Variants in LRRC4C observed in about 807,000 individuals in gnomAD.
LRRC4C encodes leucine-rich repeat-containing protein 4C.
LRRC4C carries 5 observed loss-of-function variants against 33.6 expected under a neutral mutation model. The observed-to-expected ratio is 0.15, with a 90% CI of 0.08 to 0.31. The LOEUF (loss-of-function observed/expected upper bound fraction) is 0.31, where lower values mean the gene tolerates loss of function less well. Ranked by LOEUF, LRRC4C falls within the 10% of genes least tolerant of loss-of-function variation. LRRC4C has a pLI of 1.00. For missense variants in LRRC4C, 560 were observed against 796.7 expected, an observed-to-expected ratio of 0.70 and a Z score of 3.58; for synonymous variants, 329 against 302.0, an observed-to-expected ratio of 1.09 and a Z score of -0.93.
intron 1 of LRRC4C, among the ~76,000 whole-genome samples, chr11:41,170,599 T>C (rs1944931246): frequency 6.6e-6 from 1 of 152,148 alleles, no homozygotes; most frequent in Non-Finnish European, 1.5e-5. Flanking sequence ...TATACAAAAA[T>C]TATTTCAAGA....
chr11:40,690,705 T>G (rs1273932302), intron 2 of LRRC4C, among the ~76,000 whole-genome samples: 1 of 152,042 alleles, frequency 6.6e-6, no homozygotes, highest in Non-Finnish European at 1.5e-5. Context: ...TTAGTGTAAT[T>G]ATCTACAACA....
intron 2 of LRRC4C, among the ~76,000 whole-genome samples, chr11:40,870,625 C>T (rs979626350): frequency 1.3e-5 from 2 of 152,188 alleles, no homozygotes; most frequent in Non-Finnish European, 2.9e-5. Context: ...ATTTCATGGA[C>T]ACTTATCACT....
At position 40,936,014 on chromosome 11, in the gene LRRC4C, T is replaced by TTATATATA. The variant is rs56879078; in HGVS notation, c.-495-2299_-495-2292dup. On this transcript the variant is annotated intron_variant, in intron 1 of 6. Coordinates refer to ENST00000528697, the MANE Select transcript of LRRC4C (RefSeq NM_001258419.2). ...AAAACTACTAAAAAGATGCCAAATTTTATATATATATATATATATATATAT... is the reference window on the plus strand; with the variant it reads ...AAAACTACTAAAAAGATGCCAAATTTTATATATATATATATATATATATATATATATAT... Among the ~76,000 whole-genome samples, 120 of 49,250 alleles carry TTATATATA rather than the reference T, an allele frequency of 2.4e-3. 5 individuals carry two copies. The highest frequency in any genetic ancestry group is 3.8e-3 in the Non-Finnish European group (81 of 21,470). The allele number at this position is 49,250 out of a possible 152,430, so 32.3% of individuals were successfully genotyped here.
At position 41,251,878 on chromosome 11, in the gene LRRC4C, A is replaced by G. The variant is rs917160682; in HGVS notation, c.-496+207553T>C. On this transcript the variant is annotated intron_variant, in intron 1 of 6. Coordinates refer to ENST00000528697, the MANE Select transcript of LRRC4C (RefSeq NM_001258419.2). ...CTAACATTTGTCTCAAGTAGAAAAAAATAAGCTATATAAGCATTATATTCA... is the reference window on the plus strand; with the variant it reads ...CTAACATTTGTCTCAAGTAGAAAAAGATAAGCTATATAAGCATTATATTCA... 9.2e-5 allele frequency among the ~76,000 whole-genome samples: 14 copies of G among 152,340 alleles called. No individual in the cohort carries two copies. In the East Asian group the frequency reaches 9.6e-4, roughly 10 times the overall value.
intron 1 of LRRC4C, among the ~76,000 whole-genome samples, chr11:41,442,475 T>TTTC (rs1955660590): frequency 5.3e-5 from 7 of 132,742 alleles, no homozygotes; most frequent in Non-Finnish European, 1.1e-4. Flanking sequence ...TTTTTTTTTT[T>TTTC]TTTTTTTTTT....
chr11:40,351,305 G>T lies in LRRC4C; in HGVS notation c.-269-31584C>A, dbSNP rs544392961. 2.4e-3 allele frequency among the ~76,000 whole-genome samples: 356 copies of T among 150,748 alleles called. 1 individual carries two copies. The highest frequency in any genetic ancestry group is 7.6e-3 in the African/African-American group (310 of 41,050). ...TTTTTTTTTGAAATTTTAAAGACTTGTTTTGTGGCCAAACATGTGTTCTAT... is the reference window on the plus strand; with the variant it reads ...TTTTTTTTTGAAATTTTAAAGACTTTTTTTGTGGCCAAACATGTGTTCTAT... On this transcript the variant is annotated intron_variant, in intron 3 of 6. Transcript: ENST00000528697.
intron 1 of LRRC4C, among the ~76,000 whole-genome samples, chr11:41,096,649 G>A (rs1940827982): frequency 6.6e-6 from 1 of 152,116 alleles, no homozygotes; most frequent in African/African-American, 2.4e-5. Flanking sequence ...GATAAAGGAG[G>A]GAGAAAGAAG....
rs184038254 is a variant in LRRC4C, at chr11:40,957,001, A to G, written c.-495-23278T>C. ...AAGTTTAATGAAAGCAATGTTTAGT[A>G]AAGATTTGAAAATTCTGAGCACATC... On this transcript the variant is annotated intron_variant, in intron 1 of 6. Transcript: ENST00000528697. Among the ~76,000 whole-genome samples, 285 of 151,896 alleles carry G rather than the reference A, an allele frequency of 1.9e-3. 1 individual carries two copies. The highest frequency in any genetic ancestry group is 6.5e-3 in the African/African-American group (269 of 41,504).
At chr11:40,786,416 C>T (rs1024909404) in intron 2 of LRRC4C, among the ~76,000 whole-genome samples, 11 of 152,254 alleles carry the variant, frequency 7.2e-5, no homozygotes, top group African/African-American at 1.4e-4. Flanking sequence ...TCACAGTCTT[C>T]GGGATCTTTA....
intron 2 of LRRC4C, among the ~76,000 whole-genome samples, chr11:40,673,074 G>T (rs1033048428): frequency 6.6e-6 from 1 of 151,848 alleles, no homozygotes; most frequent in African/African-American, 2.4e-5. Flanking sequence ...TGAAGATTCT[G>T]ATTATGCATA....
rs1346459670 is a variant in LRRC4C at position 40,114,334 on chromosome 11, T to C, written c.*36A>G. On this transcript the variant is annotated 3_prime_UTR_variant, in exon 7 of 7. Transcript: ENST00000528697. Reference sequence around the variant, plus strand: ...GTCATTTTTAATAAACTGTCTTTTTTTTTGATTGTTTGTTTTTTGTAACTC... The same window carrying C: ...GTCATTTTTAATAAACTGTCTTTTTCTTTGATTGTTTGTTTTTTGTAACTC... 2 of 1,523,088 alleles carry C rather than the reference T, an allele frequency of 1.3e-6. No individual in the cohort carries two copies. Among genetic ancestry groups the C allele is most frequent in the East Asian group, 4.6e-5 (2 of 43,860 alleles). The allele number at this position is 1,523,088 out of a possible 1,614,324, so 94.3% of individuals were successfully genotyped here.
At chr11:41,149,452 G>A (rs1197757899) in intron 1 of LRRC4C, among the ~76,000 whole-genome samples, 4 of 148,802 alleles carry the variant, frequency 2.7e-5, no homozygotes, top group African/African-American at 9.9e-5. Flanking sequence ...GGAGCTTGCA[G>A]TGAGCCGAGA....
intron 5 of LRRC4C, among the ~76,000 whole-genome samples, chr11:40,167,650 G>T (rs538146528): frequency 1.3e-5 from 2 of 152,226 alleles, no homozygotes; most frequent in South Asian, 2.1e-4. Flanking sequence ...AAATACAGGG[G>T]TGAGCAAAGG....
intron 3 of LRRC4C, among the ~76,000 whole-genome samples, chr11:40,628,516 T>C (rs527402602): frequency 7.0e-6 from 1 of 142,426 alleles, no homozygotes; most frequent in African/African-American, 2.5e-5. Context: ...AAAACCTAAT[T>C]CATCATCTTT....
intron 1 of LRRC4C, among the ~76,000 whole-genome samples, chr11:40,973,643 T>G (rs1319872385): frequency 1.3e-5 from 2 of 152,170 alleles, no homozygotes; most frequent in Non-Finnish European, 2.9e-5. Flanking sequence ...TTTATTATTA[T>G]TTTAAAAAAT....
intron 5 of LRRC4C, among the ~76,000 whole-genome samples, chr11:40,204,387 T>C (rs1862991933): frequency 6.6e-6 from 1 of 152,230 alleles, no homozygotes; most frequent in Admixed American, 6.5e-5. Context: ...GTCCCTAATG[T>C]CCCTTTCCTT....
chr11:40,635,618 A>G (rs977985787), intron 3 of LRRC4C, among the ~76,000 whole-genome samples: 3 of 150,738 alleles, frequency 2.0e-5, no homozygotes, highest in African/African-American at 7.3e-5. Context: ...AGAAATTGAA[A>G]AAGAACCAAA....
intron 3 of LRRC4C, among the ~76,000 whole-genome samples, chr11:40,561,408 C>CTTTTTTT (rs549919738): frequency 2.0e-5 from 2 of 100,936 alleles, no homozygotes; most frequent in African/African-American, 8.0e-5. Context: ...CTGAGGATTC[C>CTTTTTTT]TTTTTTTTTT....
intron 1 of LRRC4C, among the ~76,000 whole-genome samples, chr11:41,015,258 G>T (rs1855496835): frequency 6.6e-6 from 1 of 152,088 alleles, no homozygotes; most frequent in Admixed American, 6.6e-5. Context: ...CAATAACAAA[G>T]ATGTAATAAT....
Sources: allele counts gnomAD v4.1 joint callset (sites outside exome capture counted in the v4.1 genomes callset), GRCh38; gene constraint gnomAD v4.1.1; transcripts MANE v1.5; gene names NCBI Gene and HGNC (gene_info 2026-07-23, HGNC 2026-07-21).